Variants in MCMBP observed in about 807,000 individuals in gnomAD.
MCMBP encodes mini-chromosome maintenance complex-binding protein.
In MCMBP, 31 loss-of-function variants were observed where a neutral mutation model predicts 81.3. The ratio of observed to expected loss-of-function variants is 0.38; its 90% CI spans 0.29 to 0.51. MCMBP has a LOEUF of 0.51. Among genes scored for constraint, MCMBP ranks in the 20% least tolerant of loss-of-function variants. The pLI is 0.87. For synonymous variants in MCMBP, 267 were observed against 275.9 expected, an observed-to-expected ratio of 0.97 and a Z score of 0.32; for missense variants, 645 against 772.1, an observed-to-expected ratio of 0.84 and a Z score of 1.95.
At chr10:119,840,034 G>A (rs927024294) in intron 11 of MCMBP, among the ~76,000 whole-genome samples, 1 of 152,114 alleles carries the variant, frequency 6.6e-6, no homozygotes, top group Non-Finnish European at 1.5e-5. Flanking sequence ...TTTGGCTTGG[G>A]AAAAGTTGTT....
At chr10:119,839,915 A>G (rs1484792696) in intron 11 of MCMBP, among the ~76,000 whole-genome samples, 5 of 152,314 alleles carry the variant, frequency 3.3e-5, no homozygotes, top group African/African-American at 1.2e-4. Flanking sequence ...CTGAGACTAC[A>G]ATAGACTGAA....
chr10:119,832,176 G>T, intron 14 of MCMBP, 76 bp from the exon 15 acceptor site: 2 of 1,303,964 alleles, frequency 1.5e-6, no homozygotes, highest in Non-Finnish European at 2.1e-6. Flanking sequence ...CTTGACTGAT[G>T]TAGTAAGGTG....
chr10:119,854,540 A>AT (rs1852955318), intron 5 of MCMBP, among the ~76,000 whole-genome samples: 1 of 140,646 alleles, frequency 7.1e-6, no homozygotes, highest in African/African-American at 2.6e-5. Context: ...CCCTGTCTCA[A>AT]AAATAAATAA....
Position 119,830,584 on chromosome 10 carries a change from C to T in MCMBP, c.*890G>A, listed in dbSNP as rs1230027050. ...CCTATTTTGTTTTCATATTTGGGCA[C>T]AGCTTTGTAGCACAGCATTCCCTTA... On this transcript the variant is annotated 3_prime_UTR_variant, in exon 16 of 16. Transcript: ENST00000369077. The T allele has an allele frequency of 6.6e-6, 1 of 152,288 alleles. No homozygotes were observed. Among genetic ancestry groups the T allele is most frequent in the Admixed American group, 6.5e-5 (1 of 15,274 alleles). The allele number at this position is 152,288 out of a possible 1,614,324, so 9.4% of individuals were successfully genotyped here. A position where few individuals can be genotyped will look rare whatever the true frequency, so the allele number is the denominator to read the frequency against.
chr10:119,837,907 C>T (rs1249695001), intron 12 of MCMBP, among the ~76,000 whole-genome samples: 1 of 152,116 alleles, frequency 6.6e-6, no homozygotes, highest in East Asian at 1.9e-4. Flanking sequence ...TGCAGTGGCT[C>T]ACACCTGTAA....
intron 12 of MCMBP, 57 bp from the exon 13 acceptor site, chr10:119,837,086 G>GT (rs1055121005): frequency 6.4e-7 from 1 of 1,559,690 alleles, no homozygotes; most frequent in African/African-American, 1.4e-5. Flanking sequence ...AAACACATCA[G>GT]TTTTGCTGAC....
At chr10:119,836,793 TTAC>T in intron 13 of MCMBP, 100 bp downstream of exon 13, 2 of 314,022 alleles carry the variant, frequency 6.4e-6, no homozygotes, top group South Asian at 5.0e-5. Flanking sequence ...TTTTTTTTTT[TTAC>T]AACAAATGTA....
In MCMBP at chr10:119,831,546, T is replaced by C; in HGVS notation, c.1851A>G (p.Arg617=). ...QTTLSRERWL[R]AKQLESLRRT... ...TTCTTAAAGACTCTAGCTGCTTTGC[T>C]CTCAGCCATCGTTCTCTTGACAGCG... The change falls in exon 16 of 16, where the codon AGA becomes AGG. Residue 617 remains arginine, a synonymous_variant. Transcript: ENST00000369077. The C allele has an allele frequency of 1.9e-6, 3 of 1,614,076 alleles. No homozygotes were observed. The highest frequency in any genetic ancestry group is 3.3e-5 in the Admixed American group (2 of 60,010).
intron 11 of MCMBP, among the ~76,000 whole-genome samples, chr10:119,839,608 A>C (rs1376672362): frequency 6.6e-6 from 1 of 152,206 alleles, no homozygotes; most frequent in Non-Finnish European, 1.5e-5. Flanking sequence ...GAGAACCCCC[A>C]GGGAATTGCT....
chr10:119,850,867 A>C (rs556347632), intron 6 of MCMBP, among the ~76,000 whole-genome samples: 1 of 147,036 alleles, frequency 6.8e-6, no homozygotes, highest in African/African-American at 2.4e-5. Context: ...AAAGGTATAC[A>C]AGATCTGTTT....
intron 1 of MCMBP, among the ~76,000 whole-genome samples, chr10:119,867,292 C>CAAA (rs372338008): frequency 2.5e-4 from 12 of 48,730 alleles, no homozygotes; most frequent in African/African-American, 4.5e-4. Flanking sequence ...GACTCCATCT[C>CAAA]AAAAAAAAAA....
At position 119,857,330 on chromosome 10, in the gene MCMBP, A is replaced by G. The variant is rs778386391; in HGVS notation, c.429+8T>C. The G allele has an allele frequency of 1.9e-6, 3 of 1,582,532 alleles. No individual in the cohort carries two copies. The highest frequency in any genetic ancestry group is 2.6e-6 in the Non-Finnish European group (3 of 1,156,036). On this transcript the variant is annotated splice_region_variant and intron_variant, in intron 5 of 15. Coordinates refer to ENST00000369077, the MANE Select transcript of MCMBP (RefSeq NM_001256378.2). ...TCAACACAGTAAGAAAGTTCAGATAAAGGATATTTCTTTTACCCACGTAGA... is the reference window on the plus strand; with the variant it reads ...TCAACACAGTAAGAAAGTTCAGATAGAGGATATTTCTTTTACCCACGTAGA...
chr10:119,862,801 C>T (rs990731112), intron 1 of MCMBP, among the ~76,000 whole-genome samples: 1 of 152,162 alleles, frequency 6.6e-6, no homozygotes, highest in Non-Finnish European at 1.5e-5. Flanking sequence ...TCCAGCTGTT[C>T]CCATCCTTGC....
intron 7 of MCMBP, among the ~76,000 whole-genome samples, chr10:119,848,015 TA>T (rs1852677117): frequency 6.7e-6 from 1 of 150,236 alleles, no homozygotes; most frequent in South Asian, 2.1e-4. Flanking sequence ...GGCTGACAGT[TA>T]AAACTAGAAC....
chr10:119,862,264 C>T (rs1330843532), intron 1 of MCMBP, among the ~76,000 whole-genome samples: 6 of 152,018 alleles, frequency 3.9e-5, no homozygotes, highest in African/African-American at 7.2e-5. Flanking sequence ...CCAAGATTGC[C>T]CCATTGCACT....
At chr10:119,838,417 C>T in intron 12 of MCMBP, 118 bp downstream of exon 12, 1 of 925,284 alleles carries the variant, frequency 1.1e-6, no homozygotes, top group Non-Finnish European at 1.6e-6. Flanking sequence ...TATGCCAAGC[C>T]TTTATCTTAC....
intron 4 of MCMBP, among the ~76,000 whole-genome samples, chr10:119,858,491 T>A (rs1013807124): frequency 5.3e-5 from 8 of 151,760 alleles, no homozygotes; most frequent in African/African-American, 1.9e-4. Context: ...CCGAGCTACC[T>A]AGGAATGAAT....
intron 12 of MCMBP, 45 bp from the exon 13 acceptor site, chr10:119,837,074 C>G: frequency 6.3e-7 from 1 of 1,592,576 alleles, no homozygotes; most frequent in Non-Finnish European, 8.6e-7. Flanking sequence ...CTTTAATCAT[C>G]TAAACACATC....
chr10:119,832,501 A>AT (rs1564867966), intron 14 of MCMBP, among the ~76,000 whole-genome samples: 1 of 152,194 alleles, frequency 6.6e-6, no homozygotes, highest in Non-Finnish European at 1.5e-5. Context: ...CCAGGTGATT[A>AT]TTGGTAAGAA....
Sources: gnomAD v4.1 joint callset for allele counts (sites outside exome capture counted in the v4.1 genomes callset) on GRCh38, gnomAD v4.1.1 for gene constraint, MANE v1.5 for transcripts, NCBI Gene and HGNC (gene_info 2026-07-23, HGNC 2026-07-21) for gene names.